PSPC1: variants seen among roughly 807,000 people sequenced by gnomAD.
PSPC1 encodes paraspeckle component 1, also known as paraspeckle protein 1.
Under a neutral mutation model 51.6 loss-of-function variants are expected in PSPC1, and 14 were observed. That is an observed-to-expected ratio of 0.27 (90% CI 0.18 to 0.42). The LOEUF (loss-of-function observed/expected upper bound fraction) is 0.42. Ranked by LOEUF, PSPC1 falls within the 10% of genes least tolerant of loss-of-function variation. PSPC1 has a pLI of 1.00. For missense variants in PSPC1, 406 were observed against 701.1 expected (o/e 0.58, Z 4.75); for synonymous variants, 193 against 231.9 (o/e 0.83, Z 1.53).
chr13:19,759,290 A>T (rs1000585890), intron 3 of PSPC1, 33 bp downstream of exon 3: 12 of 1,503,374 alleles, frequency 8.0e-6, no homozygotes, highest in African/African-American at 1.4e-5. Flanking sequence ...CCTTAATAGT[A>T]CAGACACAAA....
intron 4 of PSPC1, among the ~76,000 whole-genome samples, chr13:19,743,689 G>C (rs960921053): frequency 1.3e-5 from 2 of 152,090 alleles, no homozygotes; most frequent in African/African-American, 4.8e-5. Flanking sequence ...ACAGGGCCCA[G>C]GTAGTTCTCA....
At chr13:19,677,750 T>A (rs1198929715) in exon 7 of PSPC1, 2 of 475,770 alleles carry the variant, frequency 4.2e-6, no homozygotes, top group East Asian at 1.2e-4. Context: ...TTCCAGTACT[T>A]CTGGTCTTAA....
intron 6 of PSPC1, among the ~76,000 whole-genome samples, chr13:19,722,155 G>GA (rs1882846696): frequency 6.6e-6 from 1 of 152,124 alleles, no homozygotes; most frequent in African/African-American, 2.4e-5. Flanking sequence ...AACAAAGTCA[G>GA]AAAAAAATTA....
intron 6 of PSPC1, among the ~76,000 whole-genome samples, chr13:19,686,924 C>T (rs981607121): frequency 3.3e-5 from 5 of 152,096 alleles, no homozygotes; most frequent in African/African-American, 9.7e-5. Flanking sequence ...GGGGTGGGCG[C>T]GGTGGCTCAT....
chr13:19,779,958 TG>T (rs1394923386), intron 1 of PSPC1, among the ~76,000 whole-genome samples: 5 of 81,220 alleles, frequency 6.2e-5, no homozygotes, highest in African/African-American at 2.5e-4. Flanking sequence ...GGGAGGGAGG[TG>T]GGGGGGTCGG....
intron 2 of PSPC1, among the ~76,000 whole-genome samples, chr13:19,761,123 C>T (rs1276203205): frequency 6.6e-6 from 1 of 151,776 alleles, no homozygotes; most frequent in East Asian, 1.9e-4. Flanking sequence ...CTAACCTGGG[C>T]AATAAGGCAA....
At chr13:19,730,975 A>AAAAC (rs1884032449) in intron 5 of PSPC1, among the ~76,000 whole-genome samples, 1 of 147,724 alleles carries the variant, frequency 6.8e-6, no homozygotes, top group African/African-American at 2.5e-5. Context: ...CAAAAAAAAA[A>AAAAC]AAAACAGAAA....
chr13:19,781,859 G>A (rs1444529410), intron 1 of PSPC1, among the ~76,000 whole-genome samples: 1 of 152,198 alleles, frequency 6.6e-6, no homozygotes. Flanking sequence ...CCAAGGATGG[G>A]ATGTTAATAA....
At chr13:19,690,965 C>T (rs1349131509) in intron 6 of PSPC1, among the ~76,000 whole-genome samples, 17 of 152,178 alleles carry the variant, frequency 1.1e-4, no homozygotes, top group Admixed American at 1.1e-3. Flanking sequence ...TCTTTTGCCA[C>T]TTACTAGACT....
intron 6 of PSPC1, among the ~76,000 whole-genome samples, chr13:19,679,925 A>C (rs1335951679): frequency 6.6e-6 from 1 of 152,246 alleles, no homozygotes; most frequent in African/African-American, 2.4e-5. Context: ...GTGAATACTC[A>C]ATTTATAAAC....
chr13:19,680,830 C>T (rs1038790237), intron 6 of PSPC1, among the ~76,000 whole-genome samples: 1 of 152,174 alleles, frequency 6.6e-6, no homozygotes, highest in Non-Finnish European at 1.5e-5. Context: ...CCCCTCTAAC[C>T]ACCCCCTAAG....
chr13:19,727,846 A>C (rs1344788064), intron 6 of PSPC1, among the ~76,000 whole-genome samples: 1 of 152,222 alleles, frequency 6.6e-6, no homozygotes, highest in Non-Finnish European at 1.5e-5. Flanking sequence ...TGCCTGGAAA[A>C]AAATTGAATA....
intron 8 of PSPC1, 31 bp downstream of exon 8, chr13:19,705,631 T>C: frequency 3.3e-6 from 5 of 1,528,982 alleles, no homozygotes; most frequent in Non-Finnish European, 4.4e-6. Context: ...CATTACTGAA[T>C]ATAATCAAAA....
intron 6 of PSPC1, among the ~76,000 whole-genome samples, chr13:19,691,131 C>T (rs1878487791): frequency 6.6e-6 from 1 of 152,208 alleles, no homozygotes; most frequent in Non-Finnish European, 1.5e-5. Flanking sequence ...ACTCCTAAAT[C>T]CATACCATGA....
chr13:19,759,111 C>T (rs965164188), intron 3 of PSPC1, among the ~76,000 whole-genome samples: 1 of 151,910 alleles, frequency 6.6e-6, no homozygotes, highest in Non-Finnish European at 1.5e-5. Context: ...GATCACACCA[C>T]TGCACTCCAG....
rs550268570 is a variant in PSPC1 at position 19,743,889 on chromosome 13, C to A, written c.968-2240G>T. 2.0e-5 allele frequency among the ~76,000 whole-genome samples: 3 copies of A among 152,160 alleles called. No homozygotes were observed. In the East Asian group the frequency reaches 5.8e-4, roughly 29 times the overall value. On this transcript the variant is annotated intron_variant, in intron 4 of 8. Coordinates refer to ENST00000338910, the MANE Select transcript of PSPC1 (RefSeq NM_001354909.2). The stretch of plus-strand genomic sequence containing the variant: ...TTGGGAGGCTGAGGCAGGCGGATCA[C>A]CTGAGGTCGGGAGTTGGAGGCCAGC...
At chr13:19,701,060 T>C (rs888769910), downstream of PSPC1, among the ~76,000 whole-genome samples, 1 of 152,270 alleles carries the variant, frequency 6.6e-6, no homozygotes, top group African/African-American at 2.4e-5. Context: ...AACAAGGATT[T>C]TCTTGATGCT....
At chr13:19,698,659 C>T (rs970626245), downstream of PSPC1, among the ~76,000 whole-genome samples, 1 of 151,802 alleles carries the variant, frequency 6.6e-6, no homozygotes, top group Non-Finnish European at 1.5e-5. Flanking sequence ...AATACCATCT[C>T]TTTTAAAGTT....
intron 3 of PSPC1, among the ~76,000 whole-genome samples, chr13:19,755,074 T>C (rs544532947): frequency 3.6e-4 from 55 of 151,518 alleles, no homozygotes; most frequent in African/African-American, 1.3e-3. Flanking sequence ...CTTTACAAAA[T>C]AATTAAAAAA....
Sources: gnomAD v4.1 joint callset for allele counts (sites outside exome capture counted in the v4.1 genomes callset) on GRCh38, gnomAD v4.1.1 for gene constraint, MANE v1.5 for transcripts, NCBI Gene and HGNC (gene_info 2026-07-23, HGNC 2026-07-21) for gene names.